Variants in MTMR7 observed in about 807,000 individuals in gnomAD.
MTMR7 encodes phosphatidylinositol-3-phosphate phosphatase MTMR7.
MTMR7 carries 76 observed loss-of-function variants against 81.2 expected under a neutral mutation model. That is an observed-to-expected ratio of 0.94 (90% CI 0.78 to 1.13). The LOEUF (loss-of-function observed/expected upper bound fraction) is 1.13. Ranked by LOEUF, MTMR7 falls within the 50% of genes most tolerant of loss-of-function variation. The pLI is 0.00. For missense variants in MTMR7, 1,044 were observed against 820.0 expected (o/e 1.27, Z -3.34); for synonymous variants, 372 against 289.8 (o/e 1.28, Z -2.88).
At chr8:17,401,218 T>C (rs1821420507) in intron 1 of MTMR7, among the ~76,000 whole-genome samples, 2 of 152,152 alleles carry the variant, frequency 1.3e-5, no homozygotes, top group Non-Finnish European at 2.9e-5. Context: ...TTATTTTATA[T>C]GTGATGATAA....
chr8:17,336,758 T>G (rs181572209), intron 6 of MTMR7, among the ~76,000 whole-genome samples: 11 of 152,268 alleles, frequency 7.2e-5, no homozygotes, highest in African/African-American at 2.4e-4. Context: ...CCCCCTCCGC[T>G]GGCCCTGGCT....
intron 4 of MTMR7, 159 bp from the exon 5 acceptor site, chr8:17,349,240 A>C: frequency 1.3e-6 from 1 of 753,184 alleles, no homozygotes; most frequent in Non-Finnish European, 2.1e-6. Flanking sequence ...GCCACTTCAG[A>C]GGAAGGAAGT....
intron 1 of MTMR7, among the ~76,000 whole-genome samples, chr8:17,397,506 A>T (rs1821298209): frequency 6.6e-6 from 1 of 152,186 alleles, no homozygotes; most frequent in South Asian, 2.1e-4. Flanking sequence ...GAGAGGGAAG[A>T]GCAGGACAGA....
intron 7 of MTMR7, among the ~76,000 whole-genome samples, chr8:17,314,425 A>C (rs536285040): frequency 2.6e-5 from 4 of 152,184 alleles, no homozygotes; most frequent in Admixed American, 6.5e-5. Context: ...CTTCATTTTT[A>C]AAATGGGGAA....
intron 6 of MTMR7, among the ~76,000 whole-genome samples, chr8:17,334,798 A>C (rs950952489): frequency 6.6e-6 from 1 of 152,228 alleles, no homozygotes; most frequent in Non-Finnish European, 1.5e-5. Context: ...AGTGACAATG[A>C]CAGGAGTTGA....
rs144224646 is a variant in MTMR7, at chr8:17,301,249, A to G, written c.1620+905T>C. On this transcript the variant is annotated intron_variant, in intron 13 of 13. Transcript: ENST00000180173. ...AGCAGAGAGAGGCAGAGTTCATGCA[A>G]TGTAAGAATTTCAAAAAGGCAAAAG... Among the ~76,000 whole-genome samples the G allele has an allele frequency of 5.7e-3, 869 of 152,330 alleles. 11 individuals carry two copies. The highest frequency in any genetic ancestry group is 9.2e-3 in the Admixed American group (141 of 15,298).
intron 3 of MTMR7, among the ~76,000 whole-genome samples, chr8:17,369,644 T>TC (rs1303705322): frequency 1.6e-5 from 2 of 121,282 alleles, no homozygotes; most frequent in African/African-American, 6.8e-5. Context: ...TTTTTTTCTT[T>TC]TTTTTTTTTT....
chr8:17,391,833 G>C (rs113992512), intron 1 of MTMR7, among the ~76,000 whole-genome samples: 3,113 of 152,272 alleles, frequency 0.02, 91 homozygotes, highest in South Asian at 0.072. Flanking sequence ...AGTTGTCATA[G>C]CCTGCCACAA....
At chr8:17,326,302 A>G (rs1211044296) in intron 7 of MTMR7, 6 of 152,208 alleles carry the variant, frequency 3.9e-5, no homozygotes, top group East Asian at 3.9e-4. Flanking sequence ...TAAAATGAAG[A>G]TAAGAGTGGC....
intron 1 of MTMR7, among the ~76,000 whole-genome samples, chr8:17,395,232 T>G (rs561515251): frequency 6.4e-4 from 98 of 152,350 alleles, no homozygotes; most frequent in Non-Finnish European, 1.1e-3. Context: ...ACCCATATTG[T>G]AGCATGTATC....
intron 1 of MTMR7, among the ~76,000 whole-genome samples, chr8:17,390,310 G>A (rs1364929815): frequency 9.2e-5 from 14 of 151,624 alleles, no homozygotes; most frequent in Admixed American, 9.2e-4. Context: ...ACAAGAAAGA[G>A]TGAGGGAGGA....
chr8:17,397,760 C>G (rs1197032211), intron 1 of MTMR7, among the ~76,000 whole-genome samples: 1 of 152,144 alleles, frequency 6.6e-6, no homozygotes, highest in African/African-American at 2.4e-5. Flanking sequence ...ACAGTGGATC[C>G]TGGGCAAGAC....
chr8:17,364,308 C>A (rs1484452069), intron 3 of MTMR7, among the ~76,000 whole-genome samples: 1 of 152,126 alleles, frequency 6.6e-6, no homozygotes, highest in Non-Finnish European at 1.5e-5. Flanking sequence ...GCTGGGATCA[C>A]AGGCGTGAGC....
rs749919032 is a variant in MTMR7, at chr8:17,341,476, G to A, written c.619C>T (p.Gln207Ter). The A allele has an allele frequency of 6.2e-7, 1 of 1,613,962 alleles. No homozygotes were observed. The highest frequency in any genetic ancestry group is 8.5e-7 in the Non-Finnish European group (1 of 1,180,030). Residue 207 changes from glutamine (Q) to a stop codon, truncating the protein, a stop_gained, in exon 6 of 14, where the codon CAG becomes TAG. Transcript: ENST00000180173. LOFTEE classifies it high-confidence loss of function. ...CGGGCACTGAAGCCGGACAGGGGCT[G>A]GCTGCTCCGGCAGATGGAGGCCTAG... ...DNHASICRSS[Q>*]PLSGFSARCL...
rs773358124 is a variant in MTMR7, at chr8:17,341,386, A to G, written c.709T>C (p.Tyr237His). ...ACTTTAGGCCGGGTGTCAACGACAT[A>G]AACGAAGTCACTTCCTGGATTGGCT... ...RKANPGSDFV[Y>H]VVDTRPKLNA... Residue 237 changes from tyrosine (Y) to histidine (H), a missense_variant, in exon 6 of 14, where the codon TAT becomes CAT. Physicochemically the swap from Tyr to His is moderately conservative, Grantham distance 83. Transcript: ENST00000180173. The G allele has an allele frequency of 7.4e-6, 12 of 1,614,092 alleles. No homozygotes were observed. Among genetic ancestry groups the G allele is most frequent in the African/African-American group, 4.0e-5 (3 of 74,944 alleles).
At chr8:17,400,372 G>C (rs565821396) in intron 1 of MTMR7, among the ~76,000 whole-genome samples, 15 of 152,324 alleles carry the variant, frequency 9.8e-5, no homozygotes, top group East Asian at 1.9e-4. Flanking sequence ...GTAAGAGGCA[G>C]AGTGAGGATT....
chr8:17,395,924 C>T (rs532902998), intron 1 of MTMR7, among the ~76,000 whole-genome samples: 2 of 152,168 alleles, frequency 1.3e-5, no homozygotes, highest in African/African-American at 2.4e-5. Context: ...TTAAATACAA[C>T]ATTCTTCTCA....
chr8:17,366,661 C>T (rs987688425), intron 3 of MTMR7, among the ~76,000 whole-genome samples: 13 of 152,012 alleles, frequency 8.6e-5, no homozygotes, highest in Admixed American at 7.9e-4. Flanking sequence ...CCGAGGCGGG[C>T]GGATCATGAG....
Position 17,309,336 on chromosome 8 carries a change from A to G in MTMR7, c.1102-10T>C. The G allele has an allele frequency of 6.5e-7, 1 of 1,536,090 alleles. No homozygotes were observed. Among genetic ancestry groups the G allele is most frequent in the East Asian group, 2.2e-5 (1 of 44,546 alleles). ...CCTTTTCAATTAATACCTACACAAG[A>G]AAGAATACAAATATCTTGGAGAGAA... On this transcript the variant is annotated splice_polypyrimidine_tract_variant and intron_variant, in intron 9 of 13. Coordinates refer to ENST00000180173, the MANE Select transcript of MTMR7 (RefSeq NM_004686.5).
Sources: allele counts gnomAD v4.1 joint callset (sites outside exome capture counted in the v4.1 genomes callset), GRCh38; gene constraint gnomAD v4.1.1; transcripts MANE v1.5; gene names NCBI Gene and HGNC (gene_info 2026-07-23, HGNC 2026-07-21).